Variants in ZSCAN5B observed in about 807,000 individuals in gnomAD.
The protein encoded by ZSCAN5B is zinc finger and SCAN domain containing 5B.
A neutral mutation model predicts 25.2 loss-of-function variants in ZSCAN5B; 26 were observed. The observed-to-expected ratio is 1.03, with a 90% CI of 0.76 to 1.43. ZSCAN5B has a LOEUF of 1.43. Ranked by LOEUF, ZSCAN5B falls within the 40% of genes most tolerant of loss-of-function variation. The pLI is 0.00. For missense variants in ZSCAN5B, 745 were observed against 622.1 expected (o/e 1.20, Z -2.10); for synonymous variants, 244 against 240.9 (o/e 1.01, Z -0.12).
chr19:56,192,087 A>G, intron 2 of ZSCAN5B, 34 bp from the exon 3 acceptor site: 1 of 1,563,074 alleles, frequency 6.4e-7, no homozygotes, highest in Non-Finnish European at 8.7e-7. Context: ...AGACACTATG[A>G]GAACCTGAAA....
At chr19:56,197,036 T>C (rs2032819136) in intron 1 of ZSCAN5B, among the ~76,000 whole-genome samples, 1 of 151,852 alleles carries the variant, frequency 6.6e-6, no homozygotes, top group South Asian at 2.1e-4. Context: ...CCCAGCTAGG[T>C]GGAGGCCGAG....
exon 1 of ZSCAN5B, chr19:56,197,756 G>C (rs1363653684): frequency 3.0e-6 from 3 of 985,188 alleles, no homozygotes; most frequent in Non-Finnish European, 3.6e-6. Context: ...TTCTGCCTCC[G>C]ACCTTCTCGG....
At chr19:56,193,438 G>C (rs2032766687) in intron 1 of ZSCAN5B, among the ~76,000 whole-genome samples, 1 of 152,212 alleles carries the variant, frequency 6.6e-6, no homozygotes, top group South Asian at 2.1e-4. Flanking sequence ...CACTGCTCTT[G>C]ACTGTAAATT....
chr19:56,195,228 AT>A (rs1395877385), intron 1 of ZSCAN5B, among the ~76,000 whole-genome samples: 1 of 152,092 alleles, frequency 6.6e-6, no homozygotes, highest in Non-Finnish European at 1.5e-5. Context: ...AGGAGACAAT[AT>A]TTACACACCA....
At position 56,190,817 on chromosome 19, in the gene ZSCAN5B, A is replaced by T. The variant is rs1450111738; in HGVS notation, c.739+20T>A. 3 of 1,611,512 alleles carry T rather than the reference A, an allele frequency of 1.9e-6. No individual in the cohort carries two copies. The African/African-American group carries it at 4.0e-5, about 22-fold the overall frequency. On this transcript the variant is annotated intron_variant, in intron 4 of 4. Transcript: ENST00000586855. ...AGAAGAGAGGGACTAACCCCTGTGGATCCAAGTCTTCATACTCACTGGGAC... is the reference window on the plus strand; with the variant it reads ...AGAAGAGAGGGACTAACCCCTGTGGTTCCAAGTCTTCATACTCACTGGGAC...
chr19:56,192,817 G>C (rs769556292), exon 2 of ZSCAN5B: 3 of 1,612,934 alleles, frequency 1.9e-6, no homozygotes, highest in Non-Finnish European at 2.5e-6. Flanking sequence ...CTGCTCTTTG[G>C]TGTGGAGGTC....
exon 5 of ZSCAN5B, chr19:56,190,275 T>A: frequency 6.2e-7 from 1 of 1,614,216 alleles, no homozygotes; most frequent in Non-Finnish European, 8.5e-7. Flanking sequence ...CTTGGCTTCT[T>A]GGCCATCTGG....
chr19:56,191,632 C>A (rs899413745), intron 3 of ZSCAN5B, among the ~76,000 whole-genome samples: 2 of 149,126 alleles, frequency 1.3e-5, no homozygotes, highest in South Asian at 4.4e-4. Flanking sequence ...CCCACCCCCC[C>A]ACCCTAAATG....
At chr19:56,192,851 G>A in exon 2 of ZSCAN5B, 1 of 1,613,822 alleles carries the variant, frequency 6.2e-7, no homozygotes, top group Non-Finnish European at 8.5e-7. Flanking sequence ...AGATGGCACA[G>A]CTCAGTGAGT....
exon 2 of ZSCAN5B, chr19:56,192,739 T>A (rs767677558): frequency 2.6e-5 from 42 of 1,603,334 alleles, no homozygotes; most frequent in South Asian, 1.1e-4. Context: ...ACCGTTCACC[T>A]TGACTAAGAC....
chr19:56,193,061 G>A, exon 2 of ZSCAN5B: 2 of 1,537,512 alleles, frequency 1.3e-6, no homozygotes, highest in Non-Finnish European at 8.8e-7. Context: ...ATATCTACTG[G>A]AGAATATTTC....
intron 1 of ZSCAN5B, among the ~76,000 whole-genome samples, chr19:56,193,593 C>G (rs2032768825): frequency 1.3e-5 from 2 of 152,156 alleles, no homozygotes; most frequent in Non-Finnish European, 2.9e-5. Flanking sequence ...TAGTTACAAC[C>G]TACGATTGTC....
At chr19:56,195,536 G>A (rs2032799201) in intron 1 of ZSCAN5B, among the ~76,000 whole-genome samples, 1 of 151,874 alleles carries the variant, frequency 6.6e-6, no homozygotes, top group East Asian at 1.9e-4. Context: ...GTGCTGGGAT[G>A]TAAATTAGAG....
intron 1 of ZSCAN5B, among the ~76,000 whole-genome samples, chr19:56,194,570 C>T (rs572829647): frequency 2.1e-4 from 32 of 152,234 alleles, no homozygotes; most frequent in Non-Finnish European, 3.2e-4. Context: ...TCGGGGATTA[C>T]AGGCGTGATT....
rs1320195677 is a variant in ZSCAN5B, at chr19:56,190,091, CT to C, written c.1223del (p.Glu408GlyfsTer47). 6.2e-7 allele frequency: 1 copy of C among 1,614,064 alleles called. No individual in the cohort carries two copies. The highest frequency in any genetic ancestry group is 1.1e-5 in the South Asian group (1 of 91,078). ...GGCAGACGTCACACATGTAGGGCCT[CT>C]CGCCAGTGTGGACTCGCTGGTGAAC... On this transcript the variant is annotated frameshift_variant, in exon 5 of 5. Transcript: ENST00000586855. LOFTEE classifies it low-confidence loss of function (END_TRUNC).
At chr19:56,192,561 T>G in intron 2 of ZSCAN5B, 108 bp downstream of exon 2, 1 of 1,504,254 alleles carries the variant, frequency 6.6e-7, no homozygotes, top group South Asian at 1.4e-5. Context: ...GTCCATCTCC[T>G]AGGTCAGGTA....
At chr19:56,191,809 T>G in intron 3 of ZSCAN5B, 41 bp downstream of exon 3, 1 of 1,600,022 alleles carries the variant, frequency 6.2e-7, no homozygotes. Flanking sequence ...TCCTGTTCCT[T>G]CTCCCACCTC....
At chr19:56,191,283 A>C (rs988730461) in intron 3 of ZSCAN5B, among the ~76,000 whole-genome samples, 3 of 152,064 alleles carry the variant, frequency 2.0e-5, no homozygotes, top group African/African-American at 7.2e-5. Context: ...GGAGGCCCCT[A>C]ACCCCTGGCA....
exon 5 of ZSCAN5B, chr19:56,190,095 C>T: frequency 6.2e-7 from 1 of 1,614,048 alleles, no homozygotes; most frequent in Non-Finnish European, 8.5e-7. Context: ...GGGCCTCTCG[C>T]CAGTGTGGAC....
Sources: gnomAD v4.1 joint callset for allele counts (sites outside exome capture counted in the v4.1 genomes callset) on GRCh38, gnomAD v4.1.1 for gene constraint, MANE v1.5 for transcripts, NCBI Gene and HGNC (gene_info 2026-07-23, HGNC 2026-07-21) for gene names.